The following HORMAD2 variants were observed in gnomAD, a reference collection of about 807,000 sequenced individuals.
The protein encoded by HORMAD2 is HORMA domain containing 2, also known as HORMA domain-containing protein 2.
In HORMAD2, 45 loss-of-function variants were observed where a neutral mutation model predicts 38.8. That is an observed-to-expected ratio of 1.16 (90% confidence interval 0.91 to 1.49). The LOEUF (loss-of-function observed/expected upper bound fraction) is 1.49, where lower values mean the gene tolerates loss of function less well. Among genes scored for constraint, HORMAD2 ranks in the 40% most tolerant of loss-of-function variants. HORMAD2 has a pLI of 0.00. For missense variants in HORMAD2, 338 were observed against 367.0 expected (o/e 0.92, Z 0.65); for synonymous variants, 126 against 122.8 (o/e 1.03, Z -0.17).
chr22:30,123,585 T>A (rs541836869), intron 10 of HORMAD2, among the ~76,000 whole-genome samples: 1 of 152,140 alleles, frequency 6.6e-6, no homozygotes, highest in Non-Finnish European at 1.5e-5. Flanking sequence ...TCCTTTCACT[T>A]TGACCTCCCA....
At chr22:30,158,560 T>C (rs71324162) in intron 10 of HORMAD2, among the ~76,000 whole-genome samples, 17,580 of 84,940 alleles carry the variant, frequency 0.21, 1,849 homozygotes, top group Middle Eastern at 0.4. Context: ...CTCCCTCCCC[T>C]CCCCTCCCTT....
chr22:30,096,893 G>A (rs1249577600), intron 2 of HORMAD2, among the ~76,000 whole-genome samples: 1 of 152,038 alleles, frequency 6.6e-6, no homozygotes, highest in Non-Finnish European at 1.5e-5. Flanking sequence ...CTATTTGATT[G>A]TCTTTCTTAA....
intron 1 of HORMAD2, among the ~76,000 whole-genome samples, chr22:30,090,967 A>C (rs982392908): frequency 1.3e-5 from 2 of 152,184 alleles, no homozygotes; most frequent in African/African-American, 4.8e-5. Context: ...TTTTATATCC[A>C]TTAACTAACT....
intron 4 of HORMAD2, among the ~76,000 whole-genome samples, chr22:30,104,116 C>A (rs1921012164): frequency 6.6e-6 from 1 of 151,990 alleles, no homozygotes; most frequent in Non-Finnish European, 1.5e-5. Flanking sequence ...ATTATGTACC[C>A]ACACAGATTT....
At chr22:30,143,012 C>T (rs1317003507) in intron 10 of HORMAD2, among the ~76,000 whole-genome samples, 1 of 152,026 alleles carries the variant, frequency 6.6e-6, no homozygotes, top group East Asian at 1.9e-4. Context: ...ACAAGATCAA[C>T]AATTATTGTT....
At chr22:30,197,148 TTAAG>T in the HORMAD2 span, among the ~76,000 whole-genome samples, 1 of 151,696 alleles carries the variant, frequency 6.6e-6, no homozygotes, top group Non-Finnish European at 1.5e-5. Flanking sequence ...GGGTGATGGG[TTAAG>T]TAAGGGCCAC....
At chr22:30,113,480 T>A (rs1921814914) in intron 7 of HORMAD2, among the ~76,000 whole-genome samples, 1 of 152,042 alleles carries the variant, frequency 6.6e-6, no homozygotes, top group African/African-American at 2.4e-5. Flanking sequence ...CTCAGTGATC[T>A]TCCTGCCTCC....
intron 10 of HORMAD2, among the ~76,000 whole-genome samples, chr22:30,170,681 C>A (rs1169484213): frequency 6.6e-6 from 1 of 152,152 alleles, no homozygotes; most frequent in Non-Finnish European, 1.5e-5. Context: ...GCTCCCACCA[C>A]CATTTCCAGT....
chr22:30,116,784 A>G lies in HORMAD2; in HGVS notation c.343-2196A>G, dbSNP rs1490578016. 4.6e-5 allele frequency among the ~76,000 whole-genome samples: 7 copies of G among 152,356 alleles called. No homozygotes were observed. In the East Asian group the frequency reaches 9.6e-4, roughly 21 times the overall value. ...AGTGTAAATAAAATTATCAACTACTAAAACAACCTACTCTTGTTACAATTT... is the reference window on the plus strand; with the variant it reads ...AGTGTAAATAAAATTATCAACTACTGAAACAACCTACTCTTGTTACAATTT... On this transcript the variant is annotated intron_variant, in intron 7 of 10. Transcript: ENST00000336726.
intron 3 of HORMAD2, among the ~76,000 whole-genome samples, chr22:30,102,622 A>G (rs942234890): frequency 6.6e-6 from 1 of 152,182 alleles, no homozygotes; most frequent in Non-Finnish European, 1.5e-5. Context: ...ACTTTAAACC[A>G]AAACTCTATT....
intron 5 of HORMAD2, among the ~76,000 whole-genome samples, chr22:30,110,343 T>C (rs1178124169): frequency 6.6e-6 from 1 of 151,580 alleles, no homozygotes; most frequent in Non-Finnish European, 1.5e-5. Context: ...AAATTCCCCT[T>C]TATAATGCAA....
chr22:30,192,808 T>G, the HORMAD2 span, among the ~76,000 whole-genome samples: 4 of 152,194 alleles, frequency 2.6e-5, no homozygotes, highest in Non-Finnish European at 5.9e-5. Context: ...TTGGTAGGGC[T>G]GTGGTCTGTG....
chr22:30,179,787 G>A (rs192227968), downstream of HORMAD2, among the ~76,000 whole-genome samples: 5 of 152,228 alleles, frequency 3.3e-5, no homozygotes, highest in Non-Finnish European at 7.4e-5. Flanking sequence ...CAGCGTTTCT[G>A]GTAATAGGCT....
chr22:30,098,790 G>T, intron 2 of HORMAD2, 62 bp from the exon 3 acceptor site: 1 of 1,381,762 alleles, frequency 7.2e-7, no homozygotes, highest in Non-Finnish European at 9.9e-7. Context: ...ATGTGGTAAT[G>T]ATGTGCTAAA....
At chr22:30,143,722 A>G (rs1924233372) in intron 10 of HORMAD2, among the ~76,000 whole-genome samples, 1 of 152,148 alleles carries the variant, frequency 6.6e-6, no homozygotes, top group Non-Finnish European at 1.5e-5. Context: ...GATGGTTGAT[A>G]TGCCTTGGAT....
chr22:30,109,298 A>G (rs1921450308), intron 5 of HORMAD2, among the ~76,000 whole-genome samples: 1 of 152,066 alleles, frequency 6.6e-6, no homozygotes, highest in Non-Finnish European at 1.5e-5. Context: ...TGCTGGGATT[A>G]CAGGCGTGAG....
chr22:30,092,043 ATTT>A (rs34639591), intron 1 of HORMAD2, among the ~76,000 whole-genome samples: 7 of 135,070 alleles, frequency 5.2e-5, no homozygotes, highest in Admixed American at 7.4e-5. Context: ...CACCTGGCTA[ATTT>A]TTTTTTTTTT....
In HORMAD2 at chr22:30,130,105, A is replaced by G. The variant is rs906586836; in HGVS notation, c.819+7891A>G. On this transcript the variant is annotated intron_variant, in intron 10 of 10. Coordinates refer to ENST00000336726, the MANE Select transcript of HORMAD2 (RefSeq NM_152510.4). ...TTATAAATTTTTGATCAAACAGCTT[A>G]CACTGCTTTTCTACCAATGATCTAT... is the stretch of plus-strand genomic sequence containing the variant. Among the ~76,000 whole-genome samples the G allele has an allele frequency of 4.6e-5, 7 of 152,182 alleles. 1 individual carries two copies. Among genetic ancestry groups the G allele is most frequent in the Admixed American group, 3.9e-4 (6 of 15,282 alleles).
intron 10 of HORMAD2, among the ~76,000 whole-genome samples, chr22:30,175,102 T>A (rs1349299804): frequency 1.3e-5 from 2 of 150,822 alleles, no homozygotes; most frequent in Non-Finnish European, 2.9e-5. Context: ...TCCACTATTT[T>A]GTTATAGTAA....
Sources: gnomAD v4.1 joint callset for allele counts (sites outside exome capture counted in the v4.1 genomes callset) on GRCh38, gnomAD v4.1.1 for gene constraint, MANE v1.5 for transcripts, NCBI Gene and HGNC (gene_info 2026-07-23, HGNC 2026-07-21) for gene names.